Variants in DUSP10 observed in about 807,000 individuals in gnomAD.
DUSP10 encodes the protein dual specificity phosphatase 10.
Under a neutral mutation model 30.8 loss-of-function variants are expected in DUSP10, and 14 were observed. The observed-to-expected ratio is 0.46, with a 90% CI of 0.30 to 0.71. The LOEUF is 0.71. Among genes scored for constraint, DUSP10 ranks in the 30% least tolerant of loss-of-function variants. The pLI, the probability that DUSP10 is intolerant of heterozygous loss-of-function variation, is 0.08. For missense variants in DUSP10, 550 were observed against 619.4 expected (o/e 0.89, Z 1.19); for synonymous variants, 254 against 250.4 (o/e 1.01, Z -0.14).
chr1:221,705,747 G>T (rs1660739224), intron 3 of DUSP10, among the ~76,000 whole-genome samples: 1 of 152,194 alleles, frequency 6.6e-6, no homozygotes, highest in South Asian at 2.1e-4. Context: ...AGTAGCACCA[G>T]CTCTGACCTC....
intron 2 of DUSP10, among the ~76,000 whole-genome samples, chr1:221,714,068 A>G (rs1661021911): frequency 6.6e-6 from 1 of 152,340 alleles, no homozygotes; most frequent in South Asian, 2.1e-4. Flanking sequence ...TAAGAGAAAA[A>G]AAAATTCTGA....
chr1:221,712,800 A>AAAAAAAAG (rs1660980239), intron 2 of DUSP10, among the ~76,000 whole-genome samples: 1 of 150,588 alleles, frequency 6.6e-6, no homozygotes, highest in Non-Finnish European at 1.5e-5. Context: ...AAAAAAAAAA[A>AAAAAAAAG]GAGCTTTGCC....
At chr1:221,720,660 A>T (rs930978425) in intron 2 of DUSP10, among the ~76,000 whole-genome samples, 1 of 152,200 alleles carries the variant, frequency 6.6e-6, no homozygotes, top group African/African-American at 2.4e-5. Flanking sequence ...TGTCTGCTGG[A>T]AGACTGCTCT....
chr1:221,702,619 G>A lies in DUSP10; in HGVS notation c.1242C>T (p.Arg414=). Residue 414 remains arginine, a synonymous_variant, in exon 4 of 4, where the codon CGC becomes CGT. Coordinates refer to ENST00000366899, the MANE Select transcript of DUSP10 (RefSeq NM_007207.6). This position sits in a 1 kb window ranked among gnomAD's most constrained non-coding sequence, Gnocchi z 4.5. ...AGTAAGCGATGACGATGGTGGCGGAGCGGGACACCCCAGCCTGGCAGTGGA... is the reference window on the plus strand; with the variant it reads ...AGTAAGCGATGACGATGGTGGCGGAACGGGACACCCCAGCCTGGCAGTGGA... ...LLIHCQAGVS[R]SATIVIAYLM... 1 of 1,614,166 alleles carries A rather than the reference G, an allele frequency of 6.2e-7. No individual in the cohort carries two copies.
At chr1:221,735,836 G>T (rs190530315) in intron 2 of DUSP10, among the ~76,000 whole-genome samples, 124 of 152,278 alleles carry the variant, frequency 8.1e-4, no homozygotes, top group African/African-American at 2.7e-3. Flanking sequence ...GTTATGGATG[G>T]TCTAGAATTG....
chr1:221,717,284 G>A (rs1020911323), intron 2 of DUSP10, among the ~76,000 whole-genome samples: 4 of 152,172 alleles, frequency 2.6e-5, no homozygotes, highest in African/African-American at 7.2e-5. Context: ...GACTGGGCAA[G>A]AGGCGGGTGA....
intron 2 of DUSP10, among the ~76,000 whole-genome samples, chr1:221,715,095 C>T (rs1661057627): frequency 6.6e-6 from 1 of 152,112 alleles, no homozygotes; most frequent in African/African-American, 2.4e-5. Context: ...TGTCATTTTT[C>T]TTATATTTTC....
intron 3 of DUSP10, among the ~76,000 whole-genome samples, chr1:221,705,111 G>GT (rs34627895): frequency 0.2 from 27,952 of 141,858 alleles, 3,323 homozygotes; most frequent in Non-Finnish European, 0.28. Context: ...TATTTTGAGT[G>GT]TTTTTTTTTT....
chr1:221,721,577 G>C (rs1448022621), intron 2 of DUSP10, among the ~76,000 whole-genome samples: 1 of 152,188 alleles, frequency 6.6e-6, no homozygotes, highest in African/African-American at 2.4e-5. Flanking sequence ...ATTTACAGGG[G>C]TGCTGGGCCT....
intron 2 of DUSP10, among the ~76,000 whole-genome samples, chr1:221,713,671 A>G (rs1661012368): frequency 6.6e-6 from 1 of 152,198 alleles, no homozygotes; most frequent in Non-Finnish European, 1.5e-5. Flanking sequence ...TTATTAATAC[A>G]TATTCTTTTA....
chr1:221,711,848 T>C (rs1660946068), intron 2 of DUSP10: 3 of 152,310 alleles, frequency 2.0e-5, no homozygotes, highest in South Asian at 4.1e-4. Context: ...ATATACTCCA[T>C]GGAAACAGAA....
rs763668838 is a variant in DUSP10, at chr1:221,739,762, G to T, written c.-18C>A. ...GGAGGCATGAGGAGGCTGAAAACTG[G>T]CAATTCAAGAAGAACTCAAGACAGT... On this transcript the variant is annotated 5_prime_UTR_variant, in exon 2 of 4. Coordinates refer to ENST00000366899, the MANE Select transcript of DUSP10 (RefSeq NM_007207.6). 2.3e-5 allele frequency: 36 copies of T among 1,552,628 alleles called. No homozygotes were observed. Among genetic ancestry groups the T allele is most frequent in the Non-Finnish European group, 3.0e-5 (35 of 1,150,382 alleles).
At chr1:221,711,064 T>G (rs1233708124) in intron 2 of DUSP10, among the ~76,000 whole-genome samples, 1 of 152,162 alleles carries the variant, frequency 6.6e-6, no homozygotes, top group Admixed American at 6.5e-5. Context: ...CTAGCACCCC[T>G]AAAGAACTAT....
intron 2 of DUSP10, among the ~76,000 whole-genome samples, chr1:221,728,818 C>T (rs1007122206): frequency 6.6e-6 from 1 of 152,204 alleles, no homozygotes; most frequent in Non-Finnish European, 1.5e-5. Context: ...TGTACTTGTA[C>T]TTTTCTTTAC....
At position 221,739,556 on chromosome 1, in the gene DUSP10, T is replaced by G. The variant is rs924825965; in HGVS notation, c.189A>C (p.Ser63=). ...LKAANLTYMP[S]SSGSARSLNC... Reference sequence around the variant, plus strand: ...TCAGCGAGCGGGCAGAGCCGCTGGATGAGGGCATATACGTCAGATTCGCAG... The same window carrying G: ...TCAGCGAGCGGGCAGAGCCGCTGGAGGAGGGCATATACGTCAGATTCGCAG... The change falls in exon 2 of 4, where the codon TCA becomes TCC. Residue 63 remains serine (S), a synonymous_variant. Coordinates refer to ENST00000366899, the MANE Select transcript of DUSP10 (RefSeq NM_007207.6). 5 of 1,614,138 alleles carry G rather than the reference T, an allele frequency of 3.1e-6. No individual in the cohort carries two copies. The highest frequency in any genetic ancestry group is 3.4e-6 in the Non-Finnish European group (4 of 1,180,014).
Position 221,706,059 on chromosome 1 carries a change from G to T in DUSP10, c.1183+36C>A. ...AAGCAAGAGCTGGAGGGAAAAGGAA[G>T]GCAGCGGATGAAAATTCCCTATGGG... On this transcript the variant is annotated intron_variant, in intron 3 of 3. Coordinates refer to ENST00000366899, the MANE Select transcript of DUSP10 (RefSeq NM_007207.6). This position sits in a 1 kb window ranked among gnomAD's most constrained non-coding sequence, Gnocchi z 4.6. 6.3e-7 allele frequency: 1 copy of T among 1,586,530 alleles called. No individual in the cohort carries two copies. The highest frequency in any genetic ancestry group is 1.1e-5 in the South Asian group (1 of 87,340).
At chr1:221,739,940 T>C (rs1661900939) in intron 1 of DUSP10, among the ~76,000 whole-genome samples, 153 bp from the exon 2 acceptor site, 1 of 152,238 alleles carries the variant, frequency 6.6e-6, no homozygotes, top group Non-Finnish European at 1.5e-5. Context: ...AAATTCATTT[T>C]TATGTATTCA....
intron 2 of DUSP10, among the ~76,000 whole-genome samples, chr1:221,736,013 T>C (rs1203007516): frequency 1.3e-5 from 2 of 152,238 alleles, no homozygotes; most frequent in Non-Finnish European, 2.9e-5. Flanking sequence ...ATGCCATTTA[T>C]TCTTTAGAAG....
intron 2 of DUSP10, among the ~76,000 whole-genome samples, chr1:221,730,525 G>C (rs1571828006): frequency 6.6e-6 from 1 of 152,174 alleles, no homozygotes; most frequent in African/African-American, 2.4e-5. Flanking sequence ...TCAAGTCGGG[G>C]GCCAGGGTTG....
Sources: allele counts gnomAD v4.1 joint callset (sites outside exome capture counted in the v4.1 genomes callset), GRCh38; gene constraint gnomAD v4.1.1; non-coding constraint Gnocchi (gnomAD v3.1); transcripts MANE v1.5; gene names NCBI Gene and HGNC (gene_info 2026-07-23, HGNC 2026-07-21).